The following ARHGEF2 variants were observed in gnomAD, a reference collection of about 807,000 sequenced individuals.
ARHGEF2 encodes the protein rho guanine nucleotide exchange factor 2.
ARHGEF2 carries 22 observed loss-of-function variants against 121.0 expected under a neutral mutation model. The observed-to-expected ratio is 0.18, with a 90% CI of 0.13 to 0.26. ARHGEF2 has a LOEUF of 0.26. ARHGEF2 is among the 10% of genes least tolerant of loss of function. The pLI is 1.00. For synonymous variants in ARHGEF2, 487 were observed against 530.0 expected (o/e 0.92, Z 1.11); for missense variants, 907 against 1,336.0 (o/e 0.68, Z 5.01).
At chr1:155,960,735 A>G (rs1313115067) in intron 11 of ARHGEF2, among the ~76,000 whole-genome samples, 1 of 152,242 alleles carries the variant, frequency 6.6e-6, no homozygotes, top group Non-Finnish European at 1.5e-5. Context: ...ACACAGGTAC[A>G]GAGGCTCAGG....
chr1:155,949,697 T>C (rs1675019850), intron 21 of ARHGEF2, among the ~76,000 whole-genome samples: 1 of 151,408 alleles, frequency 6.6e-6, no homozygotes, highest in South Asian at 2.1e-4. Flanking sequence ...GCCAACATAG[T>C]GAAACCCCAT....
chr1:155,951,317 C>A lies in ARHGEF2; in HGVS notation c.2260-45G>T. 1 of 1,566,106 alleles carries A rather than the reference C, an allele frequency of 6.4e-7. No homozygotes were observed. On this transcript the variant is annotated intron_variant, in intron 19 of 21. Transcript: ENST00000361247. This position sits in a 1 kb window ranked among gnomAD's most constrained non-coding sequence, Gnocchi z 5.1. ...AGAAGGGTTTATCAGAACCCCTGTGCTCTTCTACCCCTCGCCTTCACCCTC... is the reference window on the plus strand; with the variant it reads ...AGAAGGGTTTATCAGAACCCCTGTGATCTTCTACCCCTCGCCTTCACCCTC...
chr1:155,969,129 G>A (rs774480812), intron 2 of ARHGEF2, 27 bp downstream of exon 2: 1 of 1,612,930 alleles, frequency 6.2e-7, no homozygotes, highest in Non-Finnish European at 8.5e-7. Context: ...CCGAGTCTGG[G>A]TGACTCTCAG....
chr1:155,971,471 T>G (rs922989427), intron 1 of ARHGEF2, among the ~76,000 whole-genome samples: 42 of 149,402 alleles, frequency 2.8e-4, no homozygotes, highest in African/African-American at 8.8e-4. Flanking sequence ...CCCAGCTACT[T>G]GGGAGGCTGA....
chr1:155,966,998 C>T (rs955438764), intron 2 of ARHGEF2, 111 bp from the exon 3 acceptor site: 57 of 1,003,938 alleles, frequency 5.7e-5, no homozygotes, highest in Non-Finnish European at 8.7e-5. Context: ...GGGGACTCTC[C>T]CCCCTTCCCC....
At chr1:155,978,862 C>T (rs2102704027), upstream of ARHGEF2, 1 of 987,878 alleles carries the variant, frequency 1.0e-6, no homozygotes, top group Non-Finnish European at 1.2e-6. This position sits in a 1 kb window ranked among gnomAD's most constrained non-coding sequence, Gnocchi z 4.1. Context: ...CTGCCCTCCC[C>T]TTCTTCCCTT....
At chr1:155,974,684 A>C (rs1345510935) in intron 1 of ARHGEF2, among the ~76,000 whole-genome samples, 1 of 152,156 alleles carries the variant, frequency 6.6e-6, no homozygotes, top group Non-Finnish European at 1.5e-5. Context: ...GTGAATGAAG[A>C]TGAGACACTG....
chr1:155,978,758 G>T (rs1270421215), upstream of ARHGEF2: 1 of 813,672 alleles, frequency 1.2e-6, no homozygotes, highest in African/African-American at 1.8e-5. The surrounding 1 kb of genome is among the most constrained non-coding windows in gnomAD (Gnocchi z 4.1). Context: ...GCGCCTGGGG[G>T]CGCCCTCTAG....
chr1:155,949,754 GT>G (rs1675030345), intron 21 of ARHGEF2, among the ~76,000 whole-genome samples: 1 of 151,632 alleles, frequency 6.6e-6, no homozygotes, highest in Non-Finnish European at 1.5e-5. Context: ...GTGGGCGCCT[GT>G]AATCCTAGCT....
rs776954620 is a variant in ARHGEF2 at position 155,962,919 on chromosome 1, C to G, written c.975+14G>C. 7.4e-6 allele frequency: 12 copies of G among 1,613,928 alleles called. No individual in the cohort carries two copies. In the Admixed American group the frequency reaches 1.8e-4, roughly 25 times the overall value. On this transcript the variant is annotated intron_variant, in intron 8 of 21. Coordinates refer to ENST00000361247, the MANE Select transcript of ARHGEF2 (RefSeq NM_001162383.2). The surrounding 1 kb of genome is among the most constrained non-coding windows in gnomAD (Gnocchi z 5.8). Reference sequence around the variant, plus strand: ...CTTCCATGAATGTCACCCAGGGGTCCTGCCTTTTCCCACCTGGCTGATGAG... The same window carrying G: ...CTTCCATGAATGTCACCCAGGGGTCGTGCCTTTTCCCACCTGGCTGATGAG...
rs1448188698 is a variant in ARHGEF2, at chr1:155,951,860, G to A, written c.2172+59C>T. On this transcript the variant is annotated intron_variant, in intron 17 of 21. Coordinates refer to ENST00000361247, the MANE Select transcript of ARHGEF2 (RefSeq NM_001162383.2). This position sits in a 1 kb window ranked among gnomAD's most constrained non-coding sequence, Gnocchi z 5.1. ...CTGACAGCTTTGTGTTGAGGATCCA[G>A]AGGCTGGCTGTCCCTCTCCCACCCT... 4 of 1,612,832 alleles carry A rather than the reference G, an allele frequency of 2.5e-6. No homozygotes were observed. Among genetic ancestry groups the A allele is most frequent in the Non-Finnish European group, 3.4e-6 (4 of 1,179,704 alleles).
At chr1:155,974,236 G>A (rs181325607) in intron 1 of ARHGEF2, among the ~76,000 whole-genome samples, 4 of 152,112 alleles carry the variant, frequency 2.6e-5, no homozygotes, top group Admixed American at 2.6e-4. Flanking sequence ...CAAGACTTCT[G>A]GGAGAGTCAC....
chr1:155,966,500 G>A (rs199528702), intron 3 of ARHGEF2, 21 bp from the exon 4 acceptor site: 1 of 1,613,926 alleles, frequency 6.2e-7, no homozygotes, highest in African/African-American at 1.3e-5. Context: ...GAGAGCAGGA[G>A]AGAGATACCA....
Position 155,951,328 on chromosome 1 carries a change from C to T in ARHGEF2, c.2260-56G>A, listed in dbSNP as rs761926689. On this transcript the variant is annotated intron_variant, in intron 19 of 21. Coordinates refer to ENST00000361247, the MANE Select transcript of ARHGEF2 (RefSeq NM_001162383.2). This position sits in a 1 kb window ranked among gnomAD's most constrained non-coding sequence, Gnocchi z 5.1. Reference sequence around the variant, plus strand: ...TCAGAACCCCTGTGCTCTTCTACCCCTCGCCTTCACCCTCCAAGGCCCAGA... The same window carrying T: ...TCAGAACCCCTGTGCTCTTCTACCCTTCGCCTTCACCCTCCAAGGCCCAGA... 1.9e-6 allele frequency: 3 copies of T among 1,563,720 alleles called. No individual in the cohort carries two copies. Among genetic ancestry groups the T allele is most frequent in the Admixed American group, 1.8e-5 (1 of 55,462 alleles).
At chr1:155,963,675 AT>A (rs55733137) in intron 7 of ARHGEF2, among the ~76,000 whole-genome samples, 118,618 of 143,814 alleles carry the variant, frequency 0.82, 50,387 homozygotes, top group East Asian at 1. Flanking sequence ...TTTTATTATT[AT>A]TTTTTTTTTT....
At chr1:155,956,497 G>T (rs1170874541) in intron 13 of ARHGEF2, among the ~76,000 whole-genome samples, 1 of 151,848 alleles carries the variant, frequency 6.6e-6, no homozygotes, top group East Asian at 1.9e-4. Context: ...ATAAAGTTGA[G>T]AACTGATTCC....
At chr1:155,979,529 C>T (rs2102705133), upstream of ARHGEF2, among the ~76,000 whole-genome samples, 1 of 152,338 alleles carries the variant, frequency 6.6e-6, no homozygotes, top group South Asian at 2.1e-4. Flanking sequence ...TCATTTCTGC[C>T]TCTCAGGGTC....
chr1:155,977,727 A>G (rs1169578826), intron 1 of ARHGEF2, among the ~76,000 whole-genome samples: 1 of 152,234 alleles, frequency 6.6e-6, no homozygotes, highest in East Asian at 1.9e-4. Flanking sequence ...GTTTGGGGGA[A>G]GTAAGCCGTC....
In ARHGEF2 at chr1:155,962,281, C is replaced by T. The variant is rs1285455833; in HGVS notation, c.1102-59G>A. 35 of 1,545,268 alleles carry T rather than the reference C, an allele frequency of 2.3e-5. No individual in the cohort carries two copies. In the East Asian group the frequency reaches 7.7e-4, roughly 34 times the overall value. ...GGGAGGGCAACAGAAAGGCCTGGGG[C>T]CTGAGCTCTGGTGCTGGCCCTGGCG... On this transcript the variant is annotated intron_variant, in intron 9 of 21. Transcript: ENST00000361247. The surrounding 1 kb of genome is among the most constrained non-coding windows in gnomAD (Gnocchi z 5.8).
Sources: gnomAD v4.1 joint callset for allele counts (sites outside exome capture counted in the v4.1 genomes callset) on GRCh38, gnomAD v4.1.1 for gene constraint, Gnocchi (gnomAD v3.1) non-coding constraint, MANE v1.5 for transcripts, NCBI Gene and HGNC (gene_info 2026-07-23, HGNC 2026-07-21) for gene names.